The following PRKCZ variants were observed in gnomAD, a reference collection of about 807,000 sequenced individuals.
PRKCZ encodes the protein protein kinase C zeta, also known as protein kinase C zeta type.
PRKCZ carries 33 observed loss-of-function variants against 79.5 expected under a neutral mutation model. The ratio of observed to expected loss-of-function variants is 0.41; its 90% CI spans 0.31 to 0.55. The LOEUF (loss-of-function observed/expected upper bound fraction) is 0.55. PRKCZ is among the 20% of genes least tolerant of loss of function. The pLI is 0.19. For missense variants in PRKCZ, 578 were observed against 813.5 expected, an observed-to-expected ratio of 0.71 and a Z score of 3.52; for synonymous variants, 342 against 320.9, an observed-to-expected ratio of 1.07 and a Z score of -0.70.
intron 4 of PRKCZ, among the ~76,000 whole-genome samples, chr1:2,065,181 G>A (rs1318979834): frequency 1.3e-5 from 2 of 152,112 alleles, no homozygotes; most frequent in Non-Finnish European, 2.9e-5. Context: ...GTTGATTTTT[G>A]TGTGTTGACT....
chr1:2,070,306 C>G (rs1011606783), intron 4 of PRKCZ, among the ~76,000 whole-genome samples: 3 of 152,264 alleles, frequency 2.0e-5, no homozygotes, highest in African/African-American at 7.2e-5. Context: ...CCACTGTAGC[C>G]CATCTTGTCA....
At chr1:2,054,667 A>G (rs1269658072) in intron 1 of PRKCZ, among the ~76,000 whole-genome samples, 1 of 151,744 alleles carries the variant, frequency 6.6e-6, no homozygotes, top group Non-Finnish European at 1.5e-5. Flanking sequence ...TTATGGAATT[A>G]TTTAATCCCC....
In PRKCZ at chr1:2,173,765, A is replaced by T; in HGVS notation, c.1286-132A>T. 1 of 1,314,248 alleles carries T rather than the reference A, an allele frequency of 7.6e-7. No individual in the cohort carries two copies. Among genetic ancestry groups the T allele is most frequent in the Non-Finnish European group, 1.0e-6 (1 of 982,206 alleles). 81.4% of individuals were successfully genotyped at this position (1,314,248 alleles called of 1,614,324 possible). ...TCTGTTTGGGAAGTGGAAGTCACAG[A>T]GGCCTGTGTGCCGCCTGCTCAAGCC... On this transcript the variant is annotated intron_variant, in intron 13 of 17. Coordinates refer to ENST00000378567, the MANE Select transcript of PRKCZ (RefSeq NM_002744.6). This position sits in a 1 kb window ranked among gnomAD's most constrained non-coding sequence, Gnocchi z 5.7.
At chr1:2,129,923 G>T (rs1557640135) in intron 4 of PRKCZ, among the ~76,000 whole-genome samples, 1 of 152,144 alleles carries the variant, frequency 6.6e-6, no homozygotes, top group Non-Finnish European at 1.5e-5. Context: ...TTGTTTTTGA[G>T]ACAGGGTCTG....
Position 2,127,246 on chromosome 1 carries a change from G to A in PRKCZ, c.335-8016G>A, listed in dbSNP as rs541391651. Among the ~76,000 whole-genome samples the A allele has an allele frequency of 4.6e-5, 7 of 152,376 alleles. No homozygotes were observed. The East Asian group carries it at 1.2e-3, about 25-fold the overall frequency. On this transcript the variant is annotated intron_variant, in intron 4 of 17. Transcript: ENST00000378567. This position sits in a 1 kb window ranked among gnomAD's most constrained non-coding sequence, Gnocchi z 5.1. The stretch of plus-strand genomic sequence containing the variant: ...TTCCAAGTCGTCTTCTGTGACTTTA[G>A]TGTTATTCTTCAGTCACCTTTAAAA...
chr1:2,082,658 G>A lies in PRKCZ; in HGVS notation c.334+23067G>A, dbSNP rs1227986369. The stretch of plus-strand genomic sequence containing the variant: ...TCAGTGAAGGTGGAGTTGGGCAAGG[G>A]CGTACACGGTCGGCTTCTGAGAGTT... On this transcript the variant is annotated intron_variant, in intron 4 of 17. Coordinates refer to ENST00000378567, the MANE Select transcript of PRKCZ (RefSeq NM_002744.6). This position sits in a 1 kb window ranked among gnomAD's most constrained non-coding sequence, Gnocchi z 4.4. Among the ~76,000 whole-genome samples the A allele has an allele frequency of 6.6e-6, 1 of 152,198 alleles. No homozygotes were observed. The highest frequency in any genetic ancestry group is 6.5e-5 in the Admixed American group (1 of 15,276).
At chr1:2,067,608 G>A (rs1571141976) in intron 4 of PRKCZ, among the ~76,000 whole-genome samples, 4 of 152,266 alleles carry the variant, frequency 2.6e-5, no homozygotes, top group South Asian at 2.1e-4. Context: ...CACGTGTGCC[G>A]GGCTGCCCAG....
Position 2,075,735 on chromosome 1 carries a change from T to C in PRKCZ, c.334+16144T>C, listed in dbSNP as rs2102337285. On this transcript the variant is annotated intron_variant, in intron 4 of 17. Coordinates refer to ENST00000378567, the MANE Select transcript of PRKCZ (RefSeq NM_002744.6). The surrounding 1 kb of genome is among the most constrained non-coding windows in gnomAD (Gnocchi z 4.8). ...GTCAGCCCAGTGTCCACAGGGTGCC[T>C]GAGAGCCCAGCCCATCCACACTGGG... Among the ~76,000 whole-genome samples the C allele has an allele frequency of 6.6e-6, 1 of 152,296 alleles. No individual in the cohort carries two copies. Among genetic ancestry groups the C allele is most frequent in the African/African-American group, 2.4e-5 (1 of 41,572 alleles).
chr1:2,056,649 AT>A, intron 3 of PRKCZ, 76 bp downstream of exon 3: 1 of 1,325,784 alleles, frequency 7.5e-7, no homozygotes, highest in Non-Finnish European at 1.0e-6. Flanking sequence ...TAGCTGGGGG[AT>A]TTAAAATGGT....
chr1:2,068,506 T>C (rs975241983), intron 4 of PRKCZ, among the ~76,000 whole-genome samples: 16 of 152,242 alleles, frequency 1.1e-4, no homozygotes, highest in African/African-American at 3.9e-4. Context: ...ACACCGGTGG[T>C]CGGCTTTGGG....
At chr1:2,153,511 G>A (rs1010883526) in intron 9 of PRKCZ, among the ~76,000 whole-genome samples, 4 of 152,218 alleles carry the variant, frequency 2.6e-5, no homozygotes, top group Non-Finnish European at 5.9e-5. Context: ...TGCACAGGCT[G>A]TCCAACTGGC....
At chr1:2,077,164 G>C (rs191456268) in intron 4 of PRKCZ, among the ~76,000 whole-genome samples, 1 of 152,360 alleles carries the variant, frequency 6.6e-6, no homozygotes, top group East Asian at 1.9e-4. Flanking sequence ...CTGGGGCTTC[G>C]TTTCGTCCAC....
intron 4 of PRKCZ, among the ~76,000 whole-genome samples, chr1:2,092,425 C>T (rs1571307529): frequency 1.3e-5 from 2 of 152,240 alleles, no homozygotes; most frequent in East Asian, 1.9e-4. Flanking sequence ...GCAGCTCTAC[C>T]CCTGCTCTGA....
intron 4 of PRKCZ, among the ~76,000 whole-genome samples, chr1:2,072,211 C>T (rs372608406): frequency 3.9e-5 from 6 of 152,232 alleles, no homozygotes; most frequent in South Asian, 4.1e-4. Context: ...GGCCGTGCCT[C>T]GTGGTGAGCT....
intron 4 of PRKCZ, among the ~76,000 whole-genome samples, chr1:2,116,659 C>T (rs574059760): frequency 6.3e-4 from 96 of 152,222 alleles, no homozygotes; most frequent in Admixed American, 1.5e-3. Context: ...GCCCCCATGT[C>T]GTACTGTTCT....
chr1:2,101,470 C>A (rs1334729832), intron 4 of PRKCZ, among the ~76,000 whole-genome samples: 1 of 152,220 alleles, frequency 6.6e-6, no homozygotes, highest in South Asian at 2.1e-4. Context: ...CATCCTGTTG[C>A]TGATTTACTT....
chr1:2,099,397 T>C, intron 4 of PRKCZ, among the ~76,000 whole-genome samples: 1 of 151,812 alleles, frequency 6.6e-6, no homozygotes, highest in East Asian at 1.9e-4. Context: ...CCCTTGCTAA[T>C]GGGCGGACCA....
At chr1:2,147,865 T>C (rs1409767132) in intron 7 of PRKCZ, among the ~76,000 whole-genome samples, 1 of 151,946 alleles carries the variant, frequency 6.6e-6, no homozygotes, top group Non-Finnish European at 1.5e-5. Flanking sequence ...TCCACTGACC[T>C]GTCCACCCAT....
intron 4 of PRKCZ, chr1:2,073,929 G>C: frequency 1.5e-6 from 2 of 1,325,630 alleles, no homozygotes; most frequent in Non-Finnish European, 1.9e-6. Flanking sequence ...GAAGAAAGCC[G>C]GTGAGTCGGG....
Sources: allele counts gnomAD v4.1 joint callset (sites outside exome capture counted in the v4.1 genomes callset), GRCh38; gene constraint gnomAD v4.1.1; non-coding constraint Gnocchi (gnomAD v3.1); transcripts MANE v1.5; gene names NCBI Gene and HGNC (gene_info 2026-07-23, HGNC 2026-07-21).